Variants in DCC observed in about 807,000 individuals in gnomAD.
DCC encodes the protein netrin receptor DCC.
In DCC, 58 loss-of-function variants were observed where a neutral mutation model predicts 172.5. The observed-to-expected ratio is 0.34, with a 90% CI of 0.27 to 0.42. The LOEUF is 0.42. Ranked by LOEUF, DCC falls within the 10% of genes least tolerant of loss-of-function variation. The probability of loss-of-function intolerance (pLI) is 1.00; values close to 1 mark genes in which losing one functional copy is unlikely to be tolerated. For missense variants in DCC, 1,740 were observed against 1,791.0 expected (o/e 0.97, Z 0.51); for synonymous variants, 709 against 644.5 (o/e 1.10, Z -1.52).
chr18:53,298,995 A>G (rs2057101307), intron 12 of DCC, among the ~76,000 whole-genome samples: 3 of 152,272 alleles, frequency 2.0e-5, no homozygotes, highest in South Asian at 4.1e-4. Flanking sequence ...AAAATCATCA[A>G]TGGTGATAAT....
chr18:53,252,510 G>A (rs1041277589), intron 12 of DCC, among the ~76,000 whole-genome samples: 1 of 151,780 alleles, frequency 6.6e-6, no homozygotes, highest in African/African-American at 2.4e-5. Context: ...AACCCCAAAA[G>A]GCAATTTAAG....
intron 7 of DCC, among the ~76,000 whole-genome samples, chr18:53,068,306 A>G (rs2042602829): frequency 6.6e-6 from 1 of 152,088 alleles, no homozygotes; most frequent in Non-Finnish European, 1.5e-5. Context: ...GTACATGTGC[A>G]TAATGTGCCG....
At chr18:53,286,970 CT>C (rs71175572) in intron 12 of DCC, among the ~76,000 whole-genome samples, 16 of 148,364 alleles carry the variant, frequency 1.1e-4, no homozygotes, top group Admixed American at 2.0e-4. Flanking sequence ...TTATACTATT[CT>C]TTTTTTTTTG....
At chr18:53,225,182 T>A (rs2056006243) in intron 12 of DCC, among the ~76,000 whole-genome samples, 1 of 152,162 alleles carries the variant, frequency 6.6e-6, no homozygotes, top group Non-Finnish European at 1.5e-5. Context: ...GAGGGAGATA[T>A]GACATTCGAG....
At chr18:52,889,548 A>C (rs2145418863) in intron 2 of DCC, among the ~76,000 whole-genome samples, 1 of 152,254 alleles carries the variant, frequency 6.6e-6, no homozygotes, top group East Asian at 1.9e-4. Context: ...AAGGTAAAGC[A>C]GGGATTGAGA....
chr18:52,627,859 T>C (rs2034602934), intron 1 of DCC, among the ~76,000 whole-genome samples: 1 of 152,190 alleles, frequency 6.6e-6, no homozygotes, highest in South Asian at 2.1e-4. Context: ...TCTCTCTCTC[T>C]CTAGTTTCAT....
intron 8 of DCC, among the ~76,000 whole-genome samples, 177 bp from the exon 9 acceptor site, chr18:53,178,785 C>T (rs184224655): frequency 2.0e-5 from 3 of 152,246 alleles, no homozygotes; most frequent in East Asian, 1.9e-4. Flanking sequence ...ATTTGTAGGT[C>T]CTTCCAATTA....
chr18:52,895,116 A>G (rs1320653518), intron 2 of DCC, among the ~76,000 whole-genome samples: 3 of 152,166 alleles, frequency 2.0e-5, no homozygotes, highest in African/African-American at 7.2e-5. Flanking sequence ...GATGTGATGA[A>G]AAACAGAAGA....
At chr18:52,444,133 A>G (rs1346127134) in intron 1 of DCC, among the ~76,000 whole-genome samples, 2 of 152,162 alleles carry the variant, frequency 1.3e-5, no homozygotes, top group African/African-American at 4.8e-5. Flanking sequence ...TGCAGCCTAG[A>G]AAGGCTGTGG....
At chr18:53,419,954 A>T (rs1430617483) in intron 21 of DCC, among the ~76,000 whole-genome samples, 1 of 152,016 alleles carries the variant, frequency 6.6e-6, no homozygotes, top group Non-Finnish European at 1.5e-5. Context: ...CCCAGGTTCA[A>T]GCGATTCTCC....
At chr18:53,181,442 C>A (rs1344230609) in intron 9 of DCC, among the ~76,000 whole-genome samples, 1 of 147,130 alleles carries the variant, frequency 6.8e-6, no homozygotes, top group African/African-American at 2.5e-5. Flanking sequence ...CCAACGTTCC[C>A]AAGCCAAGGG....
At chr18:52,568,894 A>G (rs1376770086) in intron 1 of DCC, among the ~76,000 whole-genome samples, 1 of 152,218 alleles carries the variant, frequency 6.6e-6, no homozygotes, top group African/African-American at 2.4e-5. Context: ...GTTTTTAAAA[A>G]TTACACTAAT....
At chr18:53,507,539 G>A (rs926156280) in intron 27 of DCC, among the ~76,000 whole-genome samples, 2 of 152,170 alleles carry the variant, frequency 1.3e-5, no homozygotes, top group Non-Finnish European at 2.9e-5. Flanking sequence ...AGGCTTGCAG[G>A]AGGACTGATG....
chr18:52,370,118 TCAC>T (rs1467037857), intron 1 of DCC, among the ~76,000 whole-genome samples: 1 of 152,196 alleles, frequency 6.6e-6, no homozygotes, highest in Non-Finnish European at 1.5e-5. Flanking sequence ...TTTTTAATAA[TCAC>T]CATTCTGACT....
chr18:53,207,691 G>T lies in DCC; in HGVS notation c.1735G>T (p.Asp579Tyr). ...TTTATGTCTCCAGAATATAGAGGTT[G>T]ATGGACTATCTTATAAACTGGAAGG... ...STGKEQNIEV[D>Y]GLSYKLEGLK... The change falls in exon 11 of 29, where the codon GAT (aspartate) becomes TAT (tyrosine). Residue 579 changes from aspartate (D) to tyrosine (Y), a missense_variant. This residue lies in a region of DCC where 1,732 missense variants were observed against 1,767.4 expected (regional missense o/e 0.98). Coordinates refer to ENST00000442544, the MANE Select transcript of DCC (RefSeq NM_005215.4). The T allele has an allele frequency of 2.5e-6, 4 of 1,613,626 alleles. No homozygotes were observed. Among genetic ancestry groups the T allele is most frequent in the Non-Finnish European group, 3.4e-6 (4 of 1,179,674 alleles).
chr18:52,956,725 C>T (rs1477266858), intron 5 of DCC, among the ~76,000 whole-genome samples: 1 of 152,046 alleles, frequency 6.6e-6, no homozygotes, highest in South Asian at 2.1e-4. Context: ...ATATCAATGA[C>T]CATGGAATAT....
intron 1 of DCC, among the ~76,000 whole-genome samples, chr18:52,424,365 A>G (rs1987352357): frequency 6.6e-6 from 1 of 152,128 alleles, no homozygotes; most frequent in African/African-American, 2.4e-5. Context: ...CTAAAGTTCA[A>G]GCTCACAACC....
chr18:53,493,923 T>C (rs2144405212), intron 26 of DCC, among the ~76,000 whole-genome samples: 1 of 152,356 alleles, frequency 6.6e-6, no homozygotes, highest in African/African-American at 2.4e-5. Context: ...GATGTTATGG[T>C]GTTGATTTCA....
chr18:52,392,316 T>C (rs1351836952), intron 1 of DCC, among the ~76,000 whole-genome samples: 1 of 152,130 alleles, frequency 6.6e-6, no homozygotes, highest in South Asian at 2.1e-4. Flanking sequence ...GGCAGTTGCA[T>C]GAGTCACTCT....
Sources: allele counts gnomAD v4.1 joint callset (sites outside exome capture counted in the v4.1 genomes callset), GRCh38; gene constraint gnomAD v4.1.1; regional missense constraint gnomAD v4.1.1; transcripts MANE v1.5; gene names NCBI Gene and HGNC (gene_info 2026-07-23, HGNC 2026-07-21).